Variants in TESMIN observed in about 807,000 individuals in gnomAD.
TESMIN encodes the protein CXC domain containing 2.
Under a neutral mutation model 47.4 loss-of-function variants are expected in TESMIN, and 34 were observed. The observed-to-expected ratio is 0.72, with a 90% confidence interval of 0.55 to 0.96. The LOEUF is 0.96. Ranked by LOEUF, TESMIN falls within the 40% of genes least tolerant of loss-of-function variation. TESMIN has a pLI of 0.00. For missense variants in TESMIN, 610 were observed against 637.2 expected (o/e 0.96, Z 0.46); for synonymous variants, 278 against 258.9 (o/e 1.07, Z -0.71).
intron 6 of TESMIN, chr11:68,736,920 C>A: frequency 1.0e-6 from 1 of 985,342 alleles, no homozygotes; most frequent in African/African-American, 1.7e-5. Context: ...TGTGCAAATG[C>A]CCATCGGCTG....
At chr11:68,742,214 A>G in intron 5 of TESMIN, 104 bp downstream of exon 5, 3 of 746,988 alleles carry the variant, frequency 4.0e-6, no homozygotes, top group Non-Finnish European at 6.4e-6. Context: ...TGACTTTTAA[A>G]TGGAAAATAA....
intron 6 of TESMIN, among the ~76,000 whole-genome samples, chr11:68,731,183 T>C (rs1234992897): frequency 1.3e-5 from 2 of 152,192 alleles, no homozygotes; most frequent in African/African-American, 4.8e-5. Context: ...AGACAGACTA[T>C]GGGAGAAGTG....
chr11:68,731,279 T>C lies in TESMIN; in HGVS notation c.917+7421A>G, dbSNP rs547571232. ...CATCGCTAAAAACAAATACAAAAAATTAGCTGGGCATGAGGGCGCATGCCT... is the reference window on the plus strand; with the variant it reads ...CATCGCTAAAAACAAATACAAAAAACTAGCTGGGCATGAGGGCGCATGCCT... On this transcript the variant is annotated intron_variant, in intron 6 of 9. Coordinates refer to ENST00000255087, the MANE Select transcript of TESMIN (RefSeq NM_004923.3). 3.0e-4 allele frequency among the ~76,000 whole-genome samples: 45 copies of C among 152,144 alleles called. No individual in the cohort carries two copies. The South Asian group carries it at 9.1e-3, about 31-fold the overall frequency.
Position 68,745,056 on chromosome 11 carries a change from G to T in TESMIN, c.686C>A (p.Thr229Lys), listed in dbSNP as rs751737906. The T allele has an allele frequency of 2.5e-6, 4 of 1,592,768 alleles. No individual in the cohort carries two copies. The South Asian group carries it at 3.5e-5, about 14-fold the overall frequency. ...TQMLCIDNSRTRELKALHLVP... is the reference protein window; with the variant it reads ...TQMLCIDNSRKRELKALHLVP... ...CAAATGGAGTGCTTTTAGTTCTCTT[G>T]TTCTAGAATTGTCTATACATAGCAT... The change falls in exon 4 of 10, where the codon ACA (threonine) becomes AAA (lysine). Residue 229 changes from threonine (T) to lysine (K), a missense_variant. Physicochemically the swap from Thr to Lys is moderately conservative, Grantham distance 78. Transcript: ENST00000255087.
chr11:68,709,898 G>A (rs545718919), intron 9 of TESMIN, among the ~76,000 whole-genome samples: 3 of 152,292 alleles, frequency 2.0e-5, no homozygotes, highest in South Asian at 4.1e-4. Flanking sequence ...AGCTGGGTGC[G>A]GTGGCTTACG....
chr11:68,718,510 T>C (rs999887102), intron 6 of TESMIN, among the ~76,000 whole-genome samples: 1 of 151,930 alleles, frequency 6.6e-6, no homozygotes, highest in African/African-American at 2.4e-5. Flanking sequence ...GACTAGAAAA[T>C]CCAACATTTA....
chr11:68,745,698 A>G (rs1257942745), intron 3 of TESMIN, among the ~76,000 whole-genome samples: 3 of 152,252 alleles, frequency 2.0e-5, no homozygotes, highest in Non-Finnish European at 2.9e-5. Context: ...AGGTTAGTCC[A>G]AGAACTATAA....
At chr11:68,737,045 T>C (rs972378301) in intron 6 of TESMIN, 4 of 985,262 alleles carry the variant, frequency 4.1e-6, no homozygotes, top group Non-Finnish European at 3.6e-6. Context: ...GGCAATACTA[T>C]TGACCAGATG....
chr11:68,706,589 G>A (rs564270851), downstream of TESMIN, among the ~76,000 whole-genome samples: 56 of 152,310 alleles, frequency 3.7e-4, 1 homozygote, highest in Admixed American at 3.4e-3. Flanking sequence ...TGAGGCGCCC[G>A]AACCCTTAAG....
chr11:68,715,801 C>T, intron 7 of TESMIN, 36 bp downstream of exon 7: 1 of 1,421,562 alleles, frequency 7.0e-7, no homozygotes. Context: ...GTTTGAAATG[C>T]TTTTAAAATG....
At chr11:68,710,664 C>T in intron 9 of TESMIN, 1 of 525,250 alleles carries the variant, frequency 1.9e-6, no homozygotes, top group Non-Finnish European at 3.3e-6. Flanking sequence ...ACAAAGAGGA[C>T]AAAACAGGTT....
At chr11:68,749,777 G>T (rs1946566275) in intron 2 of TESMIN, among the ~76,000 whole-genome samples, 1 of 152,104 alleles carries the variant, frequency 6.6e-6, no homozygotes, top group Admixed American at 6.5e-5. Flanking sequence ...AATGCAAGAT[G>T]CAAACACGCC....
rs370860203 is a variant in TESMIN at position 68,708,391 on chromosome 11, G to T, written c.1444C>A (p.Gln482Lys). The T allele has an allele frequency of 2.8e-5, 45 of 1,614,080 alleles. No individual in the cohort carries two copies. The highest frequency in any genetic ancestry group is 3.7e-5 in the Non-Finnish European group (44 of 1,180,026). ...KEHCSKCLAE[Q>K]MILEEFGRCL... Reference sequence around the variant, plus strand: ...CTTCCAAATTCCTCCAGGATCATCTGCTCTGCCAGGCACTTGGAGCAGTGT... The same window carrying T: ...CTTCCAAATTCCTCCAGGATCATCTTCTCTGCCAGGCACTTGGAGCAGTGT... Residue 482 changes from glutamine to lysine, a missense_variant, in exon 10 of 10, where the codon CAG (glutamine) becomes AAG (lysine). Gln to Lys is a moderately conservative substitution (Grantham distance 53). Coordinates refer to ENST00000255087, the MANE Select transcript of TESMIN (RefSeq NM_004923.3).
chr11:68,737,723 C>T, intron 6 of TESMIN: 1 of 937,420 alleles, frequency 1.1e-6, no homozygotes, highest in Non-Finnish European at 1.3e-6. Context: ...ACCAGCCTGG[C>T]CAACATGGTA....
chr11:68,732,790 A>C (rs1946344243), intron 6 of TESMIN: 1 of 152,228 alleles, frequency 6.6e-6, no homozygotes, highest in Non-Finnish European at 1.5e-5. Context: ...ACTTTTTAAA[A>C]ATCAATTTGT....
In TESMIN at chr11:68,707,965, C is replaced by T; in HGVS notation, c.*343G>A. ...CGACCAGAGTGAGCTCTCCGCAGGG[C>T]CTGCTCTGCCCTCCCCTGCCCCGCT... On this transcript the variant is annotated 3_prime_UTR_variant, in exon 10 of 10. Transcript: ENST00000255087. The T allele has an allele frequency of 4.4e-6, 2 of 451,346 alleles. No individual in the cohort carries two copies. The highest frequency in any genetic ancestry group is 5.0e-5 in the Admixed American group (2 of 39,892). 28.0% of individuals were successfully genotyped at this position (451,346 alleles called of 1,614,324 possible). A position where few individuals can be genotyped will look rare whatever the true frequency, so the allele number is the denominator to read the frequency against.
chr11:68,723,190 A>G (rs955222181), intron 6 of TESMIN, among the ~76,000 whole-genome samples: 1 of 152,146 alleles, frequency 6.6e-6, no homozygotes, highest in South Asian at 2.1e-4. Context: ...TGACGTACAG[A>G]CTACATTATC....
At chr11:68,715,565 G>T (rs921995572) in intron 7 of TESMIN, among the ~76,000 whole-genome samples, 1 of 152,082 alleles carries the variant, frequency 6.6e-6, no homozygotes, top group African/African-American at 2.4e-5. Flanking sequence ...GTGGACATTC[G>T]CATGTTCTTG....
rs562616310 is a variant in TESMIN, at chr11:68,736,942, A to G, written c.917+1758T>C. Reference sequence around the variant, plus strand: ...ATGCCCATCGGCTGCAACACATAGAAGCCTCAGAGGGTGCTGCAACTGGGA... The same window carrying G: ...ATGCCCATCGGCTGCAACACATAGAGGCCTCAGAGGGTGCTGCAACTGGGA... On this transcript the variant is annotated intron_variant, in intron 6 of 9. Transcript: ENST00000255087. 3 of 985,464 alleles carry G rather than the reference A, an allele frequency of 3.0e-6. No individual in the cohort carries two copies. In the Admixed American group the frequency reaches 1.8e-4, roughly 61 times the overall value. The allele number at this position is 985,464 out of a possible 1,614,324, so 61.0% of individuals were successfully genotyped here. A position where few individuals can be genotyped will look rare whatever the true frequency, so the allele number is the denominator to read the frequency against.
Sources: allele counts gnomAD v4.1 joint callset (sites outside exome capture counted in the v4.1 genomes callset), GRCh38; gene constraint gnomAD v4.1.1; transcripts MANE v1.5; gene names NCBI Gene and HGNC (gene_info 2026-07-23, HGNC 2026-07-21).